The following PCDH15 variants were observed in gnomAD, a reference collection of about 807,000 sequenced individuals.
The protein encoded by PCDH15 is protocadherin related 15.
A neutral mutation model predicts 178.5 loss-of-function variants in PCDH15; 129 were observed. The ratio of observed to expected loss-of-function variants is 0.72; its 90% confidence interval spans 0.63 to 0.84. The LOEUF is 0.84. Ranked by LOEUF, PCDH15 falls within the 40% of genes least tolerant of loss-of-function variation. The probability of loss-of-function intolerance (pLI) is 0.00; values close to 1 mark genes in which losing one functional copy is unlikely to be tolerated. For synonymous variants in PCDH15, 800 were observed against 732.0 expected (o/e 1.09, Z -1.50); for missense variants, 2,230 against 2,099.9 (o/e 1.06, Z -1.21).
Position 54,470,277 on chromosome 10 carries a change from G to C in PCDH15, c.157+57535C>G, listed in dbSNP as rs371357001. On this transcript the variant is annotated intron_variant, in intron 3 of 37. Transcript: ENST00000644397. ...AGCCCTAGGTGACAGCTATAAACCGGGCAGCCTTTCTTCGGGGTGCTTTTA... is the reference window on the plus strand; with the variant it reads ...AGCCCTAGGTGACAGCTATAAACCGCGCAGCCTTTCTTCGGGGTGCTTTTA... 1.2e-3 allele frequency among the ~76,000 whole-genome samples: 187 copies of C among 152,220 alleles called. 4 individuals carry two copies. The South Asian group carries it at 0.038, about 31-fold the overall frequency.
chr10:54,696,475 A>G (rs2095226510), intron 1 of PCDH15, among the ~76,000 whole-genome samples: 1 of 152,146 alleles, frequency 6.6e-6, no homozygotes, highest in African/African-American at 2.4e-5. Flanking sequence ...TTAGAATATT[A>G]CATAAGTTTA....
intron 8 of PCDH15, among the ~76,000 whole-genome samples, chr10:54,238,436 G>A (rs190618584): frequency 2.6e-5 from 4 of 151,724 alleles, no homozygotes; most frequent in South Asian, 2.1e-4. Flanking sequence ...GGTTTCTCTC[G>A]AGTTCATTAT....
chr10:55,036,310 G>A lies in PCDH15; in HGVS notation c.-80+130266C>T, dbSNP rs746115048. ...ACAAATTACCTAGACTGTAGTGTTC[G>A]GTTATAGCAGCACAAAACACACTGA... is the stretch of plus-strand genomic sequence containing the variant. On this transcript the variant is annotated intron_variant, in intron 2 of 5. Transcript: ENST00000458638. 3.4e-4 allele frequency among the ~76,000 whole-genome samples: 52 copies of A among 152,150 alleles called. 1 individual carries two copies. Among genetic ancestry groups the A allele is most frequent in the South Asian group, 4.2e-4 (2 of 4,806 alleles).
intron 1 of PCDH15, among the ~76,000 whole-genome samples, chr10:55,240,576 C>A (rs1430207569): frequency 6.6e-6 from 1 of 152,186 alleles, no homozygotes; most frequent in Non-Finnish European, 1.5e-5. Context: ...CCTATCAATA[C>A]AATAGATGTA....
intron 2 of PCDH15, among the ~76,000 whole-genome samples, chr10:55,461,407 AC>A (rs987406779): frequency 6.6e-6 from 1 of 152,012 alleles, no homozygotes; most frequent in African/African-American, 2.4e-5. Context: ...ATATTCCTCT[AC>A]CCCCCTGTAA....
chr10:54,742,722 A>G (rs1944967836), intron 1 of PCDH15, among the ~76,000 whole-genome samples: 1 of 152,036 alleles, frequency 6.6e-6, no homozygotes, highest in Admixed American at 6.6e-5. Flanking sequence ...TGCATTCTAG[A>G]AAGGAGAGAC....
chr10:54,594,472 C>T (rs2092090093), intron 2 of PCDH15, among the ~76,000 whole-genome samples: 1 of 152,070 alleles, frequency 6.6e-6, no homozygotes, highest in Non-Finnish European at 1.5e-5. Context: ...GCAGTGTACC[C>T]CCCCAGGCAC....
intron 2 of PCDH15, among the ~76,000 whole-genome samples, chr10:55,016,104 A>T (rs1439842321): frequency 8.1e-4 from 102 of 125,192 alleles, no homozygotes; most frequent in Admixed American, 1.7e-3. Flanking sequence ...TTTTTAAAAA[A>T]AAAAAAAAAA....
chr10:54,616,167 T>C (rs1022549671), intron 2 of PCDH15, among the ~76,000 whole-genome samples: 75 of 152,184 alleles, frequency 4.9e-4, no homozygotes, highest in African/African-American at 1.8e-3. Flanking sequence ...CAAAACTATA[T>C]CTGTGGGTGG....
At chr10:55,071,812 C>G (rs866375819) in intron 2 of PCDH15, among the ~76,000 whole-genome samples, 3 of 152,090 alleles carry the variant, frequency 2.0e-5, no homozygotes, top group Non-Finnish European at 4.4e-5. Flanking sequence ...CAGCACCACA[C>G]CACACCTATT....
At chr10:55,046,042 G>A (rs1591856647) in intron 2 of PCDH15, among the ~76,000 whole-genome samples, 1 of 152,134 alleles carries the variant, frequency 6.6e-6, no homozygotes, top group East Asian at 1.9e-4. Context: ...AATTCTTGTT[G>A]ACAAATTCTG....
chr10:53,822,415 TGTCAGGAGGAGGA>T, intron 32 of PCDH15: 1 of 1,573,680 alleles, frequency 6.4e-7, no homozygotes, highest in Non-Finnish European at 8.6e-7. Flanking sequence ...AAAGGAGAAA[TGTCAGGAGGAGGA>T]GCAAGAGGAG....
At chr10:54,603,077 G>T (rs2092608153) in intron 2 of PCDH15, among the ~76,000 whole-genome samples, 1 of 151,992 alleles carries the variant, frequency 6.6e-6, no homozygotes, top group Non-Finnish European at 1.5e-5. Flanking sequence ...GCCATGCAGT[G>T]CTGGACTATT....
rs371118732 is a variant in PCDH15 at position 54,548,313 on chromosome 10, AAC to A, written c.92-20438_92-20437del. On this transcript the variant is annotated intron_variant, in intron 2 of 37. Transcript: ENST00000644397. ...AAAATATTTTTCTTAAGTTTCCTTT[AAC>A]AGTTTTAGATTTTTGTCTTTCATAT... Among the ~76,000 whole-genome samples, 24 of 148,358 alleles carry A rather than the reference AAC, an allele frequency of 1.6e-4. 1 individual carries two copies. The East Asian group carries it at 4.7e-3, about 29-fold the overall frequency.
At chr10:54,506,783 G>GT (rs1307486477) in intron 3 of PCDH15, among the ~76,000 whole-genome samples, 15 of 151,882 alleles carry the variant, frequency 9.9e-5, no homozygotes, top group African/African-American at 3.4e-4. Flanking sequence ...CTTTCAAAGG[G>GT]TAGGAGACAA....
chr10:54,507,588 T>C (rs2081276831), intron 3 of PCDH15, among the ~76,000 whole-genome samples: 2 of 151,964 alleles, frequency 1.3e-5, no homozygotes, highest in Non-Finnish European at 2.9e-5. Context: ...ATAACAAATT[T>C]GCATGCATTT....
At chr10:55,094,783 A>T (rs2246354) in intron 2 of PCDH15, among the ~76,000 whole-genome samples, 69,086 of 151,742 alleles carry the variant, frequency 0.46, 19,625 homozygotes, top group African/African-American at 0.8. Context: ...AGTGCTTACA[A>T]ATAATTTCAT....
At chr10:53,820,413 G>A (rs1350192395) in intron 32 of PCDH15, among the ~76,000 whole-genome samples, 183 bp from the exon 33 acceptor site, 3 of 151,994 alleles carry the variant, frequency 2.0e-5, no homozygotes, top group African/African-American at 7.2e-5. Flanking sequence ...GAAGAAATAT[G>A]AGGGATGAAG....
At chr10:54,637,781 G>A (rs1279073438) in intron 2 of PCDH15, among the ~76,000 whole-genome samples, 1 of 151,818 alleles carries the variant, frequency 6.6e-6, no homozygotes, top group African/African-American at 2.4e-5. Context: ...TATCCCAAGG[G>A]GCATAAAAAT....
Sources: allele counts gnomAD v4.1 joint callset (sites outside exome capture counted in the v4.1 genomes callset), GRCh38; gene constraint gnomAD v4.1.1; transcripts MANE v1.5; gene names NCBI Gene and HGNC (gene_info 2026-07-23, HGNC 2026-07-21).